UBE2H: variants seen among roughly 807,000 people sequenced by gnomAD.
UBE2H encodes ubiquitin-conjugating enzyme E2 H.
In UBE2H, 3 loss-of-function variants were observed where a neutral mutation model predicts 29.0. That is an observed-to-expected ratio of 0.10 (90% CI 0.05 to 0.27). UBE2H has a LOEUF of 0.27. Among genes scored for constraint, UBE2H ranks in the 10% least tolerant of loss-of-function variants. The probability of loss-of-function intolerance (pLI) is 1.00; values close to 1 mark genes in which losing one functional copy is unlikely to be tolerated. For missense variants in UBE2H, 68 were observed against 228.2 expected, an observed-to-expected ratio of 0.30 and a Z score of 4.52; for synonymous variants, 69 against 82.9, an observed-to-expected ratio of 0.83 and a Z score of 0.91.
At chr7:129,908,255 G>C (rs1331809597) in intron 1 of UBE2H, among the ~76,000 whole-genome samples, 1 of 152,174 alleles carries the variant, frequency 6.6e-6, no homozygotes, top group East Asian at 1.9e-4. Context: ...CTAGTTTCAA[G>C]AATTAAAGCA....
At chr7:129,864,356 C>T (rs74505876) in intron 3 of UBE2H, among the ~76,000 whole-genome samples, 1,806 of 152,260 alleles carry the variant, frequency 0.012, 10 homozygotes, top group Middle Eastern at 0.031. Context: ...ATGCTATCAT[C>T]ACATTAATGA....
At chr7:129,863,397 T>C (rs1805837290) in intron 3 of UBE2H, among the ~76,000 whole-genome samples, 1 of 152,162 alleles carries the variant, frequency 6.6e-6, no homozygotes, top group African/African-American at 2.4e-5. Context: ...TCACTTCACC[T>C]TGTGGGGTCT....
At chr7:129,925,370 C>T (rs1011849098) in intron 1 of UBE2H, among the ~76,000 whole-genome samples, 45 of 151,262 alleles carry the variant, frequency 3.0e-4, no homozygotes, top group Admixed American at 2.1e-3. Context: ...TATTCATAAA[C>T]AAAAATTCAC....
At chr7:129,950,082 G>C (rs549979181) in intron 1 of UBE2H, among the ~76,000 whole-genome samples, 2 of 151,912 alleles carry the variant, frequency 1.3e-5, no homozygotes, top group African/African-American at 4.8e-5. Flanking sequence ...GCTCCATTTG[G>C]GCCTACTGAT....
At chr7:129,835,777 G>A (rs1805314066) in intron 6 of UBE2H, among the ~76,000 whole-genome samples, 1 of 152,168 alleles carries the variant, frequency 6.6e-6, no homozygotes, top group South Asian at 2.1e-4. Context: ...CTGTTTTCAA[G>A]TGAACAGCCT....
chr7:129,920,307 A>T (rs1807131374), intron 1 of UBE2H, among the ~76,000 whole-genome samples: 1 of 152,124 alleles, frequency 6.6e-6, no homozygotes, highest in Middle Eastern at 3.2e-3. Context: ...TCTAGTGAAC[A>T]AAAAAGGCTT....
At chr7:129,909,706 A>C (rs1348536004) in intron 1 of UBE2H, among the ~76,000 whole-genome samples, 1 of 152,076 alleles carries the variant, frequency 6.6e-6, no homozygotes, top group East Asian at 1.9e-4. Flanking sequence ...AAAATATATA[A>C]ATGTACATGT....
At chr7:129,837,618 G>T (rs2727499) in intron 6 of UBE2H, among the ~76,000 whole-genome samples, 31 of 148,358 alleles carry the variant, frequency 2.1e-4, no homozygotes, top group East Asian at 1.2e-3. Context: ...GGGAGGGGGC[G>T]GGGGGTTGGG....
chr7:129,951,224 T>C (rs567963854), intron 1 of UBE2H: 1 of 151,774 alleles, frequency 6.6e-6, no homozygotes, highest in Non-Finnish European at 1.5e-5. Flanking sequence ...TACAAAGAGG[T>C]AAAACACTCA....
At chr7:129,879,779 A>T (rs1806218145) in intron 2 of UBE2H, 137 bp from the exon 3 acceptor site, 1 of 697,012 alleles carries the variant, frequency 1.4e-6, no homozygotes, top group South Asian at 1.9e-5. Flanking sequence ...GACCTACTAC[A>T]ATCAATAGGT....
At position 129,920,011 on chromosome 7, in the gene UBE2H, C is replaced by T. The variant is rs1807124530; in HGVS notation, c.53+32492G>A. The stretch of plus-strand genomic sequence containing the variant: ...GTGATATTTTTCATCTCTCGCCAAG[C>T]TGAAAATGAGCACTGTCAAAGCAGC... On this transcript the variant is annotated intron_variant, in intron 1 of 6. Coordinates refer to ENST00000355621, the MANE Select transcript of UBE2H (RefSeq NM_003344.4). Among the ~76,000 whole-genome samples the T allele has an allele frequency of 2.6e-5, 4 of 151,612 alleles. No homozygotes were observed. The South Asian group carries it at 8.3e-4, about 31-fold the overall frequency.
At chr7:129,904,862 G>C (rs1035019535) in intron 1 of UBE2H, among the ~76,000 whole-genome samples, 1 of 152,222 alleles carries the variant, frequency 6.6e-6, no homozygotes, top group South Asian at 2.1e-4. Context: ...GTGCTGAAGA[G>C]GCACACTGAA....
chr7:129,861,126 G>A (rs1266005398), intron 3 of UBE2H, among the ~76,000 whole-genome samples: 3 of 151,930 alleles, frequency 2.0e-5, no homozygotes, highest in Non-Finnish European at 4.4e-5. Context: ...TCGGGAGACC[G>A]AGGTAGAGAA....
intron 1 of UBE2H, among the ~76,000 whole-genome samples, chr7:129,902,755 G>T (rs1416437820): frequency 6.6e-6 from 1 of 152,164 alleles, no homozygotes; most frequent in Admixed American, 6.5e-5. Context: ...TAAGGCAAGT[G>T]AAATGATCTC....
At chr7:129,868,925 C>CGA (rs1193382583) in intron 3 of UBE2H, among the ~76,000 whole-genome samples, 8 of 86,930 alleles carry the variant, frequency 9.2e-5, no homozygotes, top group Non-Finnish European at 1.9e-4. Flanking sequence ...ACCCGGGTCT[C>CGA]TCTCTCTCTC....
At chr7:129,867,600 G>C (rs1369118493) in intron 3 of UBE2H, among the ~76,000 whole-genome samples, 4 of 106,492 alleles carry the variant, frequency 3.8e-5, no homozygotes, top group Non-Finnish European at 7.5e-5. Flanking sequence ...CCTAATGCTA[G>C]ATGACACATT....
rs1356743355 is a variant in UBE2H, at chr7:129,884,591, TA to T, written c.54-3621del. On this transcript the variant is annotated intron_variant, in intron 1 of 6. Coordinates refer to ENST00000355621, the MANE Select transcript of UBE2H (RefSeq NM_003344.4). ...ATAAGAAACTGGTTCAACGAATTAC[TA>T]TTTTTTTTTTTTTTTTTTGAGATAG... Among the ~76,000 whole-genome samples, 7 of 148,478 alleles carry T rather than the reference TA, an allele frequency of 4.7e-5. No homozygotes were observed. In the East Asian group the frequency reaches 1.4e-3, roughly 29 times the overall value.
At chr7:129,900,751 CT>C (rs71704122) in intron 1 of UBE2H, among the ~76,000 whole-genome samples, 19,333 of 133,484 alleles carry the variant, frequency 0.14, 738 homozygotes, top group Admixed American at 0.18. Flanking sequence ...TTTCTTTTTC[CT>C]TTTTTTTTTT....
chr7:129,859,450 A>T (rs956701241), intron 3 of UBE2H, among the ~76,000 whole-genome samples: 5 of 152,228 alleles, frequency 3.3e-5, no homozygotes, highest in Non-Finnish European at 7.3e-5. Context: ...ACCACAAAGG[A>T]TTTCCTAAAA....
Sources: allele counts gnomAD v4.1 joint callset (sites outside exome capture counted in the v4.1 genomes callset), GRCh38; gene constraint gnomAD v4.1.1; transcripts MANE v1.5; gene names NCBI Gene and HGNC (gene_info 2026-07-23, HGNC 2026-07-21).